SLC25A21: variants seen among roughly 807,000 people sequenced by gnomAD.
SLC25A21 encodes the protein mitochondrial 2-oxodicarboxylate carrier.
SLC25A21 carries 47 observed loss-of-function variants against 43.8 expected under a neutral mutation model. The observed-to-expected ratio is 1.07, with a 90% confidence interval of 0.85 to 1.37. The LOEUF (loss-of-function observed/expected upper bound fraction) is 1.37, where lower values mean the gene tolerates loss of function less well. Among genes scored for constraint, SLC25A21 ranks in the 40% most tolerant of loss-of-function variants. SLC25A21 has a pLI of 0.00. For missense variants in SLC25A21, 352 were observed against 350.2 expected (o/e 1.00, Z -0.04); for synonymous variants, 131 against 121.3 (o/e 1.08, Z -0.52).
intron 1 of SLC25A21, among the ~76,000 whole-genome samples, chr14:36,953,632 G>C (rs1428641270): frequency 6.6e-6 from 1 of 152,030 alleles, no homozygotes; most frequent in Non-Finnish European, 1.5e-5. Flanking sequence ...GTTCCTTACT[G>C]GCAGAAACTC....
chr14:36,789,815 A>AATATATTTTATATATTTATATT (rs1887393849), intron 3 of SLC25A21, among the ~76,000 whole-genome samples: 1 of 83,606 alleles, frequency 1.2e-5, no homozygotes. Flanking sequence ...TATATTATAT[A>AATATATTTTATATATTTATATT]TAATATATTT....
chr14:36,783,763 T>A (rs531668693), intron 3 of SLC25A21, among the ~76,000 whole-genome samples: 2 of 152,196 alleles, frequency 1.3e-5, no homozygotes, highest in Non-Finnish European at 2.9e-5. Context: ...AAACAAAGTA[T>A]ACTTGTCTGT....
chr14:37,051,309 G>A (rs79394548), intron 1 of SLC25A21, among the ~76,000 whole-genome samples: 3,164 of 152,210 alleles, frequency 0.021, 61 homozygotes, highest in Non-Finnish European at 0.03. Flanking sequence ...ACAGACTAGG[G>A]GCTTGGAACA....
chr14:37,162,069 C>T (rs1963953692), intron 1 of SLC25A21, among the ~76,000 whole-genome samples: 3 of 151,622 alleles, frequency 2.0e-5, no homozygotes, highest in Admixed American at 2.0e-4. Context: ...AATGTGTCCA[C>T]AGGCCAAGGA....
rs141386935 is a variant in SLC25A21 at position 37,105,327 on chromosome 14, T to A, written c.70+66954A>T. Among the ~76,000 whole-genome samples the A allele has an allele frequency of 5.3e-5, 8 of 152,306 alleles. No homozygotes were observed. In the East Asian group the frequency reaches 1.5e-3, roughly 29 times the overall value. ...ACCAAATAAAACAGATAATAAACAG[T>A]GTTCTGGACATCCAATCAGCAATAA... On this transcript the variant is annotated intron_variant, in intron 1 of 9. Transcript: ENST00000331299.
intron 3 of SLC25A21, among the ~76,000 whole-genome samples, chr14:36,751,004 C>T (rs995063220): frequency 1.4e-4 from 21 of 152,276 alleles, no homozygotes; most frequent in South Asian, 6.2e-4. Flanking sequence ...TTCATACCCC[C>T]GAAGATGGGC....
At chr14:36,813,137 C>T (rs915632316) in intron 3 of SLC25A21, among the ~76,000 whole-genome samples, 21 of 152,134 alleles carry the variant, frequency 1.4e-4, no homozygotes, top group South Asian at 4.2e-4. Flanking sequence ...AGGTTTGTTA[C>T]ACATGCCATG....
intron 2 of SLC25A21, among the ~76,000 whole-genome samples, chr14:36,853,288 C>T (rs1385941179): frequency 1.3e-5 from 2 of 150,616 alleles, no homozygotes; most frequent in East Asian, 2.0e-4. Flanking sequence ...CCAGTGAATG[C>T]TGTACTTAAG....
In SLC25A21 at chr14:36,813,844, A is replaced by G. The variant is rs1888357929; in HGVS notation, c.203+74T>C. The G allele has an allele frequency of 2.6e-6, 3 of 1,142,814 alleles. No individual in the cohort carries two copies. The South Asian group carries it at 4.1e-5, about 16-fold the overall frequency. 70.8% of individuals were successfully genotyped at this position (1,142,814 alleles called of 1,614,324 possible). A position where few individuals can be genotyped will look rare whatever the true frequency, so the allele number is the denominator to read the frequency against. ...TATTTTGCCCCTAGTAAGACTAGGA[A>G]AATAAACCATTCGAAATGAGAAAAC... On this transcript the variant is annotated intron_variant, in intron 3 of 9. Coordinates refer to ENST00000331299, the MANE Select transcript of SLC25A21 (RefSeq NM_030631.4).
chr14:36,922,504 T>C (rs1421890138), intron 1 of SLC25A21, among the ~76,000 whole-genome samples: 2 of 150,362 alleles, frequency 1.3e-5, no homozygotes, highest in Non-Finnish European at 2.9e-5. Context: ...AAATCAGCTA[T>C]GCAGAGGGGC....
At chr14:37,022,577 T>C (rs928408200) in intron 1 of SLC25A21, among the ~76,000 whole-genome samples, 1 of 152,010 alleles carries the variant, frequency 6.6e-6, no homozygotes, top group Non-Finnish European at 1.5e-5. Context: ...GTATGAAGTC[T>C]CATCAGTTCA....
chr14:36,963,645 G>A (rs1166067567), intron 1 of SLC25A21, among the ~76,000 whole-genome samples: 1 of 152,142 alleles, frequency 6.6e-6, no homozygotes, highest in Non-Finnish European at 1.5e-5. Context: ...AACCCTATCT[G>A]CAACATGAGC....
chr14:37,055,755 C>A (rs1306315431), intron 1 of SLC25A21, among the ~76,000 whole-genome samples: 1 of 152,136 alleles, frequency 6.6e-6, no homozygotes, highest in African/African-American at 2.4e-5. Flanking sequence ...CTATTTTACT[C>A]TGTTTTGTAA....
intron 1 of SLC25A21, among the ~76,000 whole-genome samples, chr14:37,139,024 C>A (rs546935930): frequency 1.3e-5 from 2 of 152,004 alleles, no homozygotes; most frequent in African/African-American, 4.8e-5. Flanking sequence ...TTTTGTACTA[C>A]GTGGAATTCC....
At position 37,033,332 on chromosome 14, in the gene SLC25A21, G is replaced by A. The variant is rs182373008; in HGVS notation, c.70+138949C>T. Among the ~76,000 whole-genome samples the A allele has an allele frequency of 5.9e-5, 9 of 152,284 alleles. No homozygotes were observed. In the East Asian group the frequency reaches 7.7e-4, roughly 13 times the overall value. ...AAGGCTGAATCACATTCCATCCTAC[G>A]TATATACTATATTTTTAAAATTTGT... On this transcript the variant is annotated intron_variant, in intron 1 of 9. Transcript: ENST00000331299.
At chr14:37,087,654 C>T (rs940122443) in intron 1 of SLC25A21, among the ~76,000 whole-genome samples, 1 of 152,196 alleles carries the variant, frequency 6.6e-6, no homozygotes, top group Non-Finnish European at 1.5e-5. Flanking sequence ...AACGCATCTA[C>T]TCACCAAGCT....
At chr14:37,139,856 A>C (rs1471818193) in intron 1 of SLC25A21, among the ~76,000 whole-genome samples, 1 of 152,240 alleles carries the variant, frequency 6.6e-6, no homozygotes, top group African/African-American at 2.4e-5. Context: ...CACCAACAGG[A>C]TATCTTCAGA....
chr14:36,764,336 C>T (rs1431537950), intron 3 of SLC25A21, among the ~76,000 whole-genome samples: 3 of 151,570 alleles, frequency 2.0e-5, no homozygotes, highest in Non-Finnish European at 4.4e-5. Flanking sequence ...CTGGCCCAGC[C>T]CCCAGTAGAA....
At chr14:37,109,940 T>C (rs1287346479) in intron 1 of SLC25A21, among the ~76,000 whole-genome samples, 1 of 152,180 alleles carries the variant, frequency 6.6e-6, no homozygotes, top group African/African-American at 2.4e-5. Context: ...TAACATTGCA[T>C]GTCACAACTA....
Sources: gnomAD v4.1 joint callset for allele counts (sites outside exome capture counted in the v4.1 genomes callset) on GRCh38, gnomAD v4.1.1 for gene constraint, MANE v1.5 for transcripts, NCBI Gene and HGNC (gene_info 2026-07-23, HGNC 2026-07-21) for gene names.